EIF5A: variants seen among roughly 807,000 people sequenced by gnomAD.
EIF5A encodes the protein eukaryotic translation initiation factor 5A.
In EIF5A, 1 loss-of-function variant was observed where a neutral mutation model predicts 16.6. The observed-to-expected ratio is 0.06, with a 90% CI of 0.02 to 0.28. EIF5A has a LOEUF of 0.28. Among genes scored for constraint, EIF5A ranks in the 10% least tolerant of loss-of-function variants. The pLI, the probability that EIF5A is intolerant of heterozygous loss-of-function variation, is 1.00. For synonymous variants in EIF5A, 80 were observed against 73.6 expected (o/e 1.09, Z -0.44); for missense variants, 29 against 196.1 (o/e 0.15, Z 5.09).
At chr17:7,307,254 T>C, upstream of EIF5A, 1 of 1,218,948 alleles carries the variant, frequency 8.2e-7, no homozygotes, top group Non-Finnish European at 1.1e-6. Context: ...AGGGGTTGTT[T>C]AGGATTCCGA....
At chr17:7,308,578 A>C in intron 1 of EIF5A, 1 of 1,350,128 alleles carries the variant, frequency 7.4e-7, no homozygotes, top group Non-Finnish European at 9.8e-7. Context: ...AGCCAGGTGT[A>C]AGTGGCACCC....
At chr17:7,307,096 G>A (rs753135457), upstream of EIF5A, 31 of 1,601,956 alleles carry the variant, frequency 1.9e-5, no homozygotes, top group Non-Finnish European at 2.5e-5. Flanking sequence ...CCACCCCACA[G>A]AGCAAGTTTT....
At chr17:7,310,218 G>T in intron 2 of EIF5A, 1 of 1,290,636 alleles carries the variant, frequency 7.7e-7, no homozygotes, top group Non-Finnish European at 1.0e-6. Context: ...GGACTCCTGC[G>T]TCAATTCTGA....
intron 2 of EIF5A, chr17:7,310,051 C>T: frequency 6.8e-7 from 1 of 1,475,744 alleles, no homozygotes; most frequent in Non-Finnish European, 9.0e-7. Context: ...AGCTTTGTGC[C>T]AATCTCTTCA....
intron 1 of EIF5A, chr17:7,308,097 C>G: frequency 1.0e-6 from 1 of 989,778 alleles, no homozygotes; most frequent in Non-Finnish European, 1.2e-6. Flanking sequence ...GGACCCGGCT[C>G]AGCGCGGCCA....
chr17:7,307,247 G>A (rs2072650760), upstream of EIF5A: 9 of 1,238,002 alleles, frequency 7.3e-6, no homozygotes, highest in African/African-American at 1.5e-5. Context: ...AGGTGGAAGG[G>A]GTTGTTTAGG....
At chr17:7,308,266 G>A in intron 1 of EIF5A, 1 of 1,055,492 alleles carries the variant, frequency 9.5e-7, no homozygotes, top group Non-Finnish European at 1.2e-6. Context: ...GCTGCCCTCG[G>A]GGTCGCAGGC....
chr17:7,310,119 A>G, intron 2 of EIF5A: 2 of 1,338,934 alleles, frequency 1.5e-6, no homozygotes, highest in South Asian at 1.2e-5. Flanking sequence ...CTTGGTTTTC[A>G]CTTTTTCTTT....
chr17:7,312,388 C>A lies in EIF5A; in HGVS notation c.*578C>A. 4.3e-6 allele frequency: 1 copy of A among 232,388 alleles called. No homozygotes were observed. The highest frequency in any genetic ancestry group is 9.4e-6 in the Non-Finnish European group (1 of 106,700). 14.4% of individuals were successfully genotyped at this position (232,388 alleles called of 1,614,324 possible). On this transcript the variant is annotated 3_prime_UTR_variant, in exon 6 of 6. Coordinates refer to ENST00000336458, the MANE Select transcript of EIF5A (RefSeq NM_001970.5). Reference sequence around the variant, plus strand: ...CCTGCCCCCATGGGCTTTACCCTTCCCTGCGGGCTCTCTCCCCGACACATT... The same window carrying A: ...CCTGCCCCCATGGGCTTTACCCTTCACTGCGGGCTCTCTCCCCGACACATT...
Position 7,311,050 on chromosome 17 carries a change from G to A in EIF5A, c.198G>A (p.Gly66=). Reference sequence around the variant, plus strand: ...TGGTTGGTATTGACATCTTTACTGGGAAGAAATATGAAGATATCTGCCCGT... The same window carrying A: ...TGGTTGGTATTGACATCTTTACTGGAAAGAAATATGAAGATATCTGCCCGT... ...VHLVGIDIFT[G]KKYEDICPST... is the part of the protein sequence containing the mutation. Residue 66 remains glycine, a synonymous_variant, in exon 3 of 6, where the codon GGG becomes GGA. Transcript: ENST00000336458. 2 of 1,613,766 alleles carry A rather than the reference G, an allele frequency of 1.2e-6. No homozygotes were observed. The highest frequency in any genetic ancestry group is 1.7e-4 in the Middle Eastern group (1 of 6,054).
upstream of EIF5A, chr17:7,307,444 T>A (rs538519899): frequency 3.7e-6 from 4 of 1,073,354 alleles, no homozygotes; most frequent in South Asian, 1.5e-4. Flanking sequence ...TTGAAAACGC[T>A]CAGGGTTTGT....
At chr17:7,311,210 C>T in intron 3 of EIF5A, 88 bp downstream of exon 3, 1 of 1,578,164 alleles carries the variant, frequency 6.3e-7, no homozygotes, top group Non-Finnish European at 8.6e-7. Context: ...AGAGCTTGTG[C>T]TGGGAGAGAG....
chr17:7,311,666 T>A lies in EIF5A; in HGVS notation c.*11+15T>A. On this transcript the variant is annotated intron_variant, in intron 5 of 5. Coordinates refer to ENST00000336458, the MANE Select transcript of EIF5A (RefSeq NM_001970.5). ...CTGGCTCCCAGGTGAGTGTGACAAA[T>A]CCCTCACTGTCCCCTTCACATTTTG... 6.2e-7 allele frequency: 1 copy of A among 1,613,756 alleles called. No individual in the cohort carries two copies. The highest frequency in any genetic ancestry group is 8.5e-7 in the Non-Finnish European group (1 of 1,179,982).
At chr17:7,310,839 CTGT>C in intron 2 of EIF5A, 176 bp from the exon 3 acceptor site, 1 of 985,376 alleles carries the variant, frequency 1.0e-6, no homozygotes, top group Non-Finnish European at 1.2e-6. Flanking sequence ...TTTTTAGCCT[CTGT>C]TTTTTTTCTT....
In EIF5A at chr17:7,310,764, A is replaced by C. The variant is rs73977633; in HGVS notation, c.166-254A>C. 312 of 985,326 alleles carry C rather than the reference A, an allele frequency of 3.2e-4. No homozygotes were observed. The African/African-American group carries it at 5.1e-3, about 16-fold the overall frequency. 61.0% of individuals were successfully genotyped at this position (985,326 alleles called of 1,614,324 possible). ...TAGCATCTTATCTTTTATCAAGGTA[A>C]CTGTCTTCTCCAAGCCTGCCATGCA... On this transcript the variant is annotated intron_variant, in intron 2 of 5. Coordinates refer to ENST00000336458, the MANE Select transcript of EIF5A (RefSeq NM_001970.5).
At chr17:7,307,050 T>C, upstream of EIF5A, 1 of 1,598,312 alleles carries the variant, frequency 6.3e-7, no homozygotes, top group South Asian at 1.1e-5. Flanking sequence ...CCCGCGCATG[T>C]GTGGAACTGG....
chr17:7,308,494 C>A, intron 1 of EIF5A: 1 of 1,350,846 alleles, frequency 7.4e-7, no homozygotes, highest in Non-Finnish European at 9.8e-7. Flanking sequence ...CTGCTGCAGG[C>A]ATATGTTAGC....
chr17:7,310,893 C>T, intron 2 of EIF5A, 125 bp from the exon 3 acceptor site: 2 of 1,437,046 alleles, frequency 1.4e-6, no homozygotes, highest in Middle Eastern at 2.6e-4. Context: ...GGTTCAATTC[C>T]AACACTCCAG....
At chr17:7,310,129 T>C (rs2072772958) in intron 2 of EIF5A, 1 of 1,322,664 alleles carries the variant, frequency 7.6e-7, no homozygotes, top group Non-Finnish European at 9.9e-7. Context: ...ACTTTTTCTT[T>C]CTTCCCTTGA....
Sources: allele counts gnomAD v4.1 joint callset, GRCh38; gene constraint gnomAD v4.1.1; transcripts MANE v1.5; gene names NCBI Gene and HGNC (gene_info 2026-07-23, HGNC 2026-07-21).